The following JPH3 variants were observed in gnomAD, a reference collection of about 807,000 sequenced individuals.
The protein encoded by JPH3 is junctophilin-3.
A neutral mutation model predicts 59.6 loss-of-function variants in JPH3; 11 were observed. That is an observed-to-expected ratio of 0.18 (90% CI 0.12 to 0.31). JPH3 has a LOEUF of 0.31. JPH3 is among the 10% of genes least tolerant of loss of function. The pLI, the probability that JPH3 is intolerant of heterozygous loss-of-function variation, is 1.00. For synonymous variants in JPH3, 673 were observed against 483.6 expected, an observed-to-expected ratio of 1.39 and a Z score of -5.14; for missense variants, 1,202 against 1,105.7, an observed-to-expected ratio of 1.09 and a Z score of -1.24.
chr16:87,685,547 C>T (rs2033396763), intron 3 of JPH3, among the ~76,000 whole-genome samples: 1 of 152,258 alleles, frequency 6.6e-6, no homozygotes, highest in African/African-American at 2.4e-5. Flanking sequence ...ACACGTGTAG[C>T]GTGCACGTGC....
intron 1 of JPH3, among the ~76,000 whole-genome samples, chr16:87,627,974 C>T (rs766051086): frequency 1.3e-5 from 2 of 152,234 alleles, no homozygotes; most frequent in Non-Finnish European, 2.9e-5. Context: ...GCGTTCCCAA[C>T]ATCAGAGCTA....
At chr16:87,632,705 C>T (rs1043870925) in intron 1 of JPH3, among the ~76,000 whole-genome samples, 2 of 152,166 alleles carry the variant, frequency 1.3e-5, no homozygotes, top group African/African-American at 4.8e-5. Context: ...CCAGCCTAGC[C>T]AACATGGTGA....
Position 87,629,706 on chromosome 16 carries a change from C to T in JPH3, c.383-14552C>T, listed in dbSNP as rs542315160. 4.6e-5 allele frequency among the ~76,000 whole-genome samples: 7 copies of T among 151,950 alleles called. No individual in the cohort carries two copies. The South Asian group carries it at 1.0e-3, about 23-fold the overall frequency. On this transcript the variant is annotated intron_variant, in intron 1 of 4. Transcript: ENST00000284262. ...TGGGGGGGAGGGAGGGACAGACAGGCGGAGCCCGGGGGATTTGTAGGGCAG... is the reference window on the plus strand; with the variant it reads ...TGGGGGGGAGGGAGGGACAGACAGGTGGAGCCCGGGGGATTTGTAGGGCAG...
chr16:87,672,640 C>T (rs913337873), intron 2 of JPH3, among the ~76,000 whole-genome samples: 3 of 152,192 alleles, frequency 2.0e-5, no homozygotes, highest in Non-Finnish European at 2.9e-5. Flanking sequence ...CTGATTGGTG[C>T]GGGTGACGAG....
intron 4 of JPH3, chr16:87,694,285 C>G (rs1263568086): frequency 2.6e-5 from 4 of 152,302 alleles, no homozygotes; most frequent in Admixed American, 2.6e-4. Flanking sequence ...CGTGCTCAAG[C>G]AGGCACCCAG....
chr16:87,685,700 C>T (rs546211793), intron 3 of JPH3, among the ~76,000 whole-genome samples: 28 of 152,386 alleles, frequency 1.8e-4, no homozygotes, highest in African/African-American at 2.9e-4. Flanking sequence ...TGGGATTCCA[C>T]GTACCAACCC....
At chr16:87,643,148 C>G (rs1477372186) in intron 1 of JPH3, among the ~76,000 whole-genome samples, 1 of 152,190 alleles carries the variant, frequency 6.6e-6, no homozygotes, top group African/African-American at 2.4e-5. Context: ...GATATGTGGC[C>G]TTTTGTGCCC....
Position 87,684,615 on chromosome 16 carries a change from A to G in JPH3, c.1285+349A>G, listed in dbSNP as rs1214369221. The G allele has an allele frequency of 7.4e-6, 2 of 270,956 alleles. 1 individual carries two copies. The highest frequency in any genetic ancestry group is 1.9e-4 in the East Asian group (2 of 10,304). The allele number at this position is 270,956 out of a possible 1,614,324, so 16.8% of individuals were successfully genotyped here. A position where few individuals can be genotyped will look rare whatever the true frequency, so the allele number is the denominator to read the frequency against. ...CAGTGTTGTTCTAGAACCTTCTGGG[A>G]TGATGGAACTATCTGCTGGGTCCAG... On this transcript the variant is annotated intron_variant, in intron 3 of 4. Coordinates refer to ENST00000284262, the MANE Select transcript of JPH3 (RefSeq NM_020655.4).
chr16:87,658,836 C>A (rs923695088), intron 2 of JPH3, among the ~76,000 whole-genome samples: 15 of 152,358 alleles, frequency 9.8e-5, no homozygotes, highest in African/African-American at 3.6e-4. Context: ...GGTGCTGAGG[C>A]AGGGGTGGGT....
intron 2 of JPH3, among the ~76,000 whole-genome samples, chr16:87,660,034 G>A (rs1217736891): frequency 6.6e-6 from 1 of 152,052 alleles, no homozygotes. Flanking sequence ...TGTGGAGGTC[G>A]GGGGTACCAA....
chr16:87,634,532 G>A (rs2031670844), intron 1 of JPH3, among the ~76,000 whole-genome samples: 1 of 152,214 alleles, frequency 6.6e-6, no homozygotes, highest in Admixed American at 6.5e-5. Flanking sequence ...CCTGCCTCCA[G>A]GTGGGAAGGG....
chr16:87,637,466 G>C (rs1331911591), intron 1 of JPH3, among the ~76,000 whole-genome samples: 1 of 151,850 alleles, frequency 6.6e-6, no homozygotes. Context: ...CTTGTGGTAC[G>C]GGGTCTGTTC....
At chr16:87,645,290 A>T (rs1216541682) in intron 2 of JPH3, among the ~76,000 whole-genome samples, 1 of 152,330 alleles carries the variant, frequency 6.6e-6, no homozygotes, top group East Asian at 1.9e-4. Context: ...TAAACTGAGC[A>T]GTGTCTCTTT....
intron 2 of JPH3, among the ~76,000 whole-genome samples, chr16:87,659,059 C>T (rs1346348479): frequency 2.6e-5 from 4 of 152,188 alleles, no homozygotes; most frequent in East Asian, 1.9e-4. Flanking sequence ...CAGCCTGCCC[C>T]ATGCCTGGCT....
At chr16:87,618,252 C>T (rs1244810165) in intron 1 of JPH3, among the ~76,000 whole-genome samples, 1 of 152,074 alleles carries the variant, frequency 6.6e-6, no homozygotes, top group Non-Finnish European at 1.5e-5. Context: ...GAGAAATGCA[C>T]AGGATGGAGC....
At chr16:87,684,581 G>A (rs187217520) in intron 3 of JPH3, 18 of 358,854 alleles carry the variant, frequency 5.0e-5, no homozygotes, top group African/African-American at 1.5e-4. Context: ...TCTGCTGCCC[G>A]CCCTCCCCCA....
chr16:87,663,650 G>T (rs991330131), intron 2 of JPH3, among the ~76,000 whole-genome samples: 2 of 152,066 alleles, frequency 1.3e-5, no homozygotes, highest in African/African-American at 4.8e-5. Flanking sequence ...ACCTCACACA[G>T]CCCCAGCCGC....
At chr16:87,658,925 G>C (rs1222643406) in intron 2 of JPH3, among the ~76,000 whole-genome samples, 1 of 152,246 alleles carries the variant, frequency 6.6e-6, no homozygotes, top group Admixed American at 6.5e-5. Context: ...AGCTTGACTG[G>C]CTGGTGTCTT....
intron 1 of JPH3, among the ~76,000 whole-genome samples, chr16:87,617,984 G>T (rs1413721515): frequency 5.3e-5 from 8 of 151,932 alleles, no homozygotes; most frequent in Admixed American, 5.2e-4. Flanking sequence ...GCATCATAAC[G>T]AAGCCCCGTC....
Sources: allele counts gnomAD v4.1 joint callset (sites outside exome capture counted in the v4.1 genomes callset), GRCh38; gene constraint gnomAD v4.1.1; transcripts MANE v1.5; gene names NCBI Gene and HGNC (gene_info 2026-07-23, HGNC 2026-07-21).